NRXN1: variants seen among roughly 807,000 people sequenced by gnomAD.
NRXN1 encodes the protein neurexin-1.
NRXN1 carries 39 observed loss-of-function variants against 150.9 expected under a neutral mutation model. The ratio of observed to expected loss-of-function variants is 0.26; its 90% CI spans 0.20 to 0.34. The LOEUF (loss-of-function observed/expected upper bound fraction) is 0.34, where lower values mean the gene tolerates loss of function less well. NRXN1 is among the 10% of genes least tolerant of loss of function. The pLI is 1.00. For missense variants in NRXN1, 1,815 were observed against 1,949.9 expected, an observed-to-expected ratio of 0.93 and a Z score of 1.30; for synonymous variants, 924 against 757.0, an observed-to-expected ratio of 1.22 and a Z score of -3.62.
At chr2:50,849,190 A>T (rs1280005675) in intron 5 of NRXN1, among the ~76,000 whole-genome samples, 1 of 152,220 alleles carries the variant, frequency 6.6e-6, no homozygotes, top group Non-Finnish European at 1.5e-5. Context: ...ATAAGTGGGC[A>T]AGAAGGTCTT....
At chr2:50,313,534 T>C (rs150121376) in intron 17 of NRXN1, among the ~76,000 whole-genome samples, 1 of 152,144 alleles carries the variant, frequency 6.6e-6, no homozygotes, top group Non-Finnish European at 1.5e-5. Flanking sequence ...TAGCAAGCAT[T>C]AGACCCCGTA....
intron 5 of NRXN1, among the ~76,000 whole-genome samples, chr2:50,635,986 A>G (rs1372246595): frequency 6.6e-6 from 1 of 152,198 alleles, no homozygotes; most frequent in Admixed American, 6.5e-5. Context: ...TATGATCATT[A>G]TTATTAAAGT....
At chr2:50,872,491 A>C (rs1200151819) in intron 5 of NRXN1, among the ~76,000 whole-genome samples, 1 of 151,794 alleles carries the variant, frequency 6.6e-6, no homozygotes, top group African/African-American at 2.4e-5. Context: ...GAAAACTCGC[A>C]GTAGAATAGC....
chr2:50,992,590 T>C (rs536517938), intron 2 of NRXN1, among the ~76,000 whole-genome samples: 44 of 152,060 alleles, frequency 2.9e-4, no homozygotes, highest in Non-Finnish European at 5.9e-4. Flanking sequence ...CTGAAAGAAA[T>C]CAGGGAGGGC....
chr2:50,695,733 G>A (rs1692731067), intron 5 of NRXN1, among the ~76,000 whole-genome samples: 1 of 152,054 alleles, frequency 6.6e-6, no homozygotes, highest in Admixed American at 6.6e-5. Context: ...AAGATAAATG[G>A]TTAGATATCG....
At chr2:50,642,680 A>G (rs760733827) in intron 5 of NRXN1, among the ~76,000 whole-genome samples, 2 of 152,006 alleles carry the variant, frequency 1.3e-5, no homozygotes, top group Non-Finnish European at 2.9e-5. Context: ...TGTTATTAGT[A>G]TTACTGTTTT....
chr2:49,986,222 G>T (rs1680884163), intron 21 of NRXN1, among the ~76,000 whole-genome samples: 1 of 152,018 alleles, frequency 6.6e-6, no homozygotes, highest in Non-Finnish European at 1.5e-5. Context: ...TCTCAATTTT[G>T]GTCTTAGATC....
At chr2:50,993,799 C>T (rs576572328) in intron 2 of NRXN1, among the ~76,000 whole-genome samples, 1 of 152,122 alleles carries the variant, frequency 6.6e-6, no homozygotes, top group African/African-American at 2.4e-5. Flanking sequence ...ACATGGAGAA[C>T]ATCCTTTCCC....
At chr2:49,960,157 T>C (rs1226484976) in intron 21 of NRXN1, among the ~76,000 whole-genome samples, 1 of 152,146 alleles carries the variant, frequency 6.6e-6, no homozygotes, top group Non-Finnish European at 1.5e-5. Flanking sequence ...ATGGCAATGG[T>C]TTGCAAGAAT....
At chr2:50,233,416 T>C (rs1034630149) in intron 18 of NRXN1, among the ~76,000 whole-genome samples, 3 of 152,030 alleles carry the variant, frequency 2.0e-5, no homozygotes, top group African/African-American at 7.2e-5. Flanking sequence ...AATCCAACAT[T>C]TTTATTCTGA....
intron 17 of NRXN1, among the ~76,000 whole-genome samples, chr2:50,403,538 T>C (rs981031657): frequency 2.0e-5 from 3 of 152,266 alleles, no homozygotes; most frequent in Admixed American, 6.5e-5. Flanking sequence ...AATAGTATTT[T>C]TGACTTGACC....
intron 5 of NRXN1, among the ~76,000 whole-genome samples, chr2:50,672,856 A>C (rs952022285): frequency 6.6e-6 from 1 of 152,072 alleles, no homozygotes; most frequent in Non-Finnish European, 1.5e-5. Context: ...ATTAGTTATT[A>C]AATCAAACAT....
In NRXN1 at chr2:50,797,802, C is replaced by A. The variant is rs1206740073; in HGVS notation, c.832+124067G>T. ...CAGGCACTCCATAAATGTTAGCTTCCCATTAGTTCAAATATATTTTGACCA... is the reference window on the plus strand; with the variant it reads ...CAGGCACTCCATAAATGTTAGCTTCACATTAGTTCAAATATATTTTGACCA... On this transcript the variant is annotated intron_variant, in intron 5 of 22. Transcript: ENST00000401669. 2.0e-5 allele frequency among the ~76,000 whole-genome samples: 3 copies of A among 152,068 alleles called. No individual in the cohort carries two copies. In the East Asian group the frequency reaches 5.8e-4, roughly 29 times the overall value.
chr2:50,770,337 T>C (rs1294791855), intron 5 of NRXN1, among the ~76,000 whole-genome samples: 1 of 151,648 alleles, frequency 6.6e-6, no homozygotes, highest in East Asian at 1.9e-4. Context: ...TTTATATATA[T>C]ATATATGATA....
At chr2:50,244,274 C>T (rs116175969) in intron 17 of NRXN1, among the ~76,000 whole-genome samples, 4,324 of 151,814 alleles carry the variant, frequency 0.028, 66 homozygotes, top group African/African-American at 0.038. Context: ...CATGGCTGAC[C>T]TATCTTGTCA....
chr2:50,997,204 G>C lies in NRXN1; in HGVS notation c.772+30298C>G, dbSNP rs1172433862. ...GTTTATTATGTCTTGGCCTTCAGAA[G>C]TATTGCTCCACTTGAGCCCAGGAGT... On this transcript the variant is annotated intron_variant, in intron 2 of 22. Transcript: ENST00000401669. Among the ~76,000 whole-genome samples, 5 of 151,966 alleles carry C rather than the reference G, an allele frequency of 3.3e-5. No individual in the cohort carries two copies. The East Asian group carries it at 9.8e-4, about 30-fold the overall frequency.
At chr2:50,331,617 T>G (rs571281236) in intron 17 of NRXN1, among the ~76,000 whole-genome samples, 2 of 152,306 alleles carry the variant, frequency 1.3e-5, no homozygotes, top group Non-Finnish European at 2.9e-5. Flanking sequence ...ATTTAACCAC[T>G]TGTTAGTATC....
At chr2:50,696,528 A>G (rs992015714) in intron 5 of NRXN1, among the ~76,000 whole-genome samples, 3 of 152,186 alleles carry the variant, frequency 2.0e-5, no homozygotes, top group African/African-American at 7.2e-5. Flanking sequence ...AGCCAAGGCA[A>G]TGGGGTGAAG....
intron 21 of NRXN1, among the ~76,000 whole-genome samples, chr2:50,035,367 T>C (rs1008589524): frequency 4.6e-5 from 7 of 152,092 alleles, no homozygotes; most frequent in African/African-American, 1.7e-4. Flanking sequence ...GAAAAGGTAG[T>C]ATTTTCTGTG....
Sources: gnomAD v4.1 joint callset for allele counts (sites outside exome capture counted in the v4.1 genomes callset) on GRCh38, gnomAD v4.1.1 for gene constraint, MANE v1.5 for transcripts, NCBI Gene and HGNC (gene_info 2026-07-23, HGNC 2026-07-21) for gene names.